TMTC2: variants seen among roughly 807,000 people sequenced by gnomAD.
TMTC2 encodes protein O-mannosyl-transferase TMTC2.
A neutral mutation model predicts 82.4 loss-of-function variants in TMTC2; 43 were observed. That is an observed-to-expected ratio of 0.52 (90% CI 0.41 to 0.67). The LOEUF (loss-of-function observed/expected upper bound fraction) is 0.67, where lower values mean the gene tolerates loss of function less well. Among genes scored for constraint, TMTC2 ranks in the 30% least tolerant of loss-of-function variants. TMTC2 has a pLI of 0.00. For synonymous variants in TMTC2, 408 were observed against 381.9 expected (o/e 1.07, Z -0.80); for missense variants, 919 against 1,012.4 (o/e 0.91, Z 1.25).
chr12:82,807,739 A>T lies in TMTC2; in HGVS notation c.84-49271A>T, dbSNP rs1391579313. ...CCAGACTCATTTATTCTGGGATAGC[A>T]TAAGTAGACCAGTGATCTAATACTC... On this transcript the variant is annotated intron_variant, in intron 1 of 11. Transcript: ENST00000321196. Among the ~76,000 whole-genome samples, 3 of 152,118 alleles carry T rather than the reference A, an allele frequency of 2.0e-5. No individual in the cohort carries two copies. In the East Asian group the frequency reaches 5.8e-4, roughly 29 times the overall value.
chr12:83,053,869 T>A (rs1398873776), intron 10 of TMTC2, among the ~76,000 whole-genome samples: 2 of 152,250 alleles, frequency 1.3e-5, no homozygotes, highest in African/African-American at 4.8e-5. Flanking sequence ...TCTAAATTCC[T>A]GTCATCAAAG....
At chr12:82,874,568 C>T (rs1872382605) in intron 2 of TMTC2, among the ~76,000 whole-genome samples, 1 of 152,098 alleles carries the variant, frequency 6.6e-6, no homozygotes, top group Admixed American at 6.6e-5. Context: ...TTATTGCAAA[C>T]TGTACTGGGC....
intron 4 of TMTC2, among the ~76,000 whole-genome samples, chr12:82,958,263 G>T (rs1877718596): frequency 6.7e-6 from 1 of 149,118 alleles, no homozygotes; most frequent in South Asian, 2.1e-4. Context: ...ACTGAGGCAG[G>T]AGAATCGCTT....
intron 8 of TMTC2, among the ~76,000 whole-genome samples, chr12:83,003,104 T>C (rs1407043318): frequency 6.6e-6 from 1 of 152,192 alleles, no homozygotes; most frequent in Non-Finnish European, 1.5e-5. Flanking sequence ...TGCTCTAATA[T>C]TTGCTATGTA....
At chr12:83,087,543 A>G (rs1883704489) in intron 11 of TMTC2, among the ~76,000 whole-genome samples, 1 of 152,218 alleles carries the variant, frequency 6.6e-6, no homozygotes, top group Non-Finnish European at 1.5e-5. Context: ...TTAAGTAATA[A>G]CACTTGAAAT....
chr12:82,829,767 C>T (rs540669666), intron 1 of TMTC2, among the ~76,000 whole-genome samples: 1 of 152,260 alleles, frequency 6.6e-6, no homozygotes, highest in East Asian at 1.9e-4. Flanking sequence ...TGTCAGAGGG[C>T]TTCTGAAGTC....
intron 11 of TMTC2, among the ~76,000 whole-genome samples, chr12:83,099,132 A>G (rs1415521821): frequency 2.0e-5 from 3 of 152,196 alleles, no homozygotes; most frequent in African/African-American, 2.4e-5. Context: ...TAAAGATTCA[A>G]TATTTTTCAG....
chr12:82,990,189 A>T (rs1879341726), intron 8 of TMTC2, among the ~76,000 whole-genome samples: 1 of 152,198 alleles, frequency 6.6e-6, no homozygotes, highest in Non-Finnish European at 1.5e-5. Context: ...CTTTAATCAA[A>T]ACTGGCCGAA....
chr12:82,995,199 G>A (rs1037656078), intron 8 of TMTC2, among the ~76,000 whole-genome samples: 1 of 152,054 alleles, frequency 6.6e-6, no homozygotes, highest in East Asian at 1.9e-4. Flanking sequence ...TCTGGTCTAA[G>A]CCTATGTTGA....
chr12:82,812,580 CAT>C (rs1423750393), intron 1 of TMTC2, among the ~76,000 whole-genome samples: 1 of 151,940 alleles, frequency 6.6e-6, no homozygotes, highest in Non-Finnish European at 1.5e-5. Context: ...TTTTCTGTAT[CAT>C]GTGGAATAGC....
intron 4 of TMTC2, among the ~76,000 whole-genome samples, chr12:82,953,103 T>C (rs1877432905): frequency 6.6e-6 from 1 of 152,114 alleles, no homozygotes; most frequent in African/African-American, 2.4e-5. Context: ...GTTTGACCAC[T>C]ACCTCCCTCA....
chr12:82,916,573 A>G (rs1157834160), intron 3 of TMTC2, among the ~76,000 whole-genome samples: 1 of 152,178 alleles, frequency 6.6e-6, no homozygotes, highest in African/African-American at 2.4e-5. Context: ...AAATTCAGGA[A>G]TATGGTAGAG....
chr12:82,687,352 T>TG lies in TMTC2; in HGVS notation c.-231dup, dbSNP rs1177191721. On this transcript the variant is annotated 5_prime_UTR_variant, in exon 1 of 12. It removes the in-frame stop codon of an upstream open reading frame in the 5' UTR. Transcript: ENST00000321196. The stretch of plus-strand genomic sequence containing the variant: ...GCTCACCGCTTGCGGGCGCCGGGCA[T>TG]GGGGAGTGTGGTGTGAGCCCGCACC... The TG allele has an allele frequency of 6.4e-5, 34 of 534,264 alleles. No individual in the cohort carries two copies. In the African/African-American group the frequency reaches 6.6e-4, roughly 10 times the overall value. 33.1% of individuals were successfully genotyped at this position (534,264 alleles called of 1,614,324 possible).
At chr12:82,998,211 C>G (rs150968506) in intron 8 of TMTC2, among the ~76,000 whole-genome samples, 626 of 152,136 alleles carry the variant, frequency 4.1e-3, no homozygotes, top group Admixed American at 7.5e-3. Flanking sequence ...ATTCATTGCT[C>G]TCCTCTATGA....
intron 1 of TMTC2, among the ~76,000 whole-genome samples, chr12:82,782,471 G>A (rs1459127494): frequency 6.6e-6 from 1 of 152,052 alleles, no homozygotes; most frequent in Non-Finnish European, 1.5e-5. Flanking sequence ...CTAGTGTTTG[G>A]ATAAAGGAAG....
At chr12:83,022,578 A>G (rs1350216285) in intron 8 of TMTC2, among the ~76,000 whole-genome samples, 2 of 152,080 alleles carry the variant, frequency 1.3e-5, no homozygotes, top group South Asian at 2.1e-4. Context: ...AGAGTGAAAC[A>G]TCACATCTCT....
In TMTC2 at chr12:82,687,641, C is replaced by T; in HGVS notation, c.55C>T (p.Leu19=). Residue 19 remains leucine (L), a synonymous_variant, in exon 1 of 12, where the codon CTG becomes TTG. Coordinates refer to ENST00000321196, the MANE Select transcript of TMTC2 (RefSeq NM_152588.3). ...ALGLALYLNT[L]SADFCYDDSR... is the part of the protein sequence containing the mutation. ...GGGGCTCGCCTTGTATCTCAACACC[C>T]TGAGTGCGGATTTCTGCTATGATGA... 1.2e-6 allele frequency: 2 copies of T among 1,605,050 alleles called. No individual in the cohort carries two copies. Among genetic ancestry groups the T allele is most frequent in the South Asian group, 1.1e-5 (1 of 88,494 alleles).
At chr12:82,952,690 C>T (rs116767127) in intron 4 of TMTC2, among the ~76,000 whole-genome samples, 2,330 of 152,130 alleles carry the variant, frequency 0.015, 55 homozygotes, top group African/African-American at 0.053. Context: ...GAACTACAAG[C>T]GCATGCCACC....
At chr12:82,722,914 A>T (rs1392673657) in intron 1 of TMTC2, among the ~76,000 whole-genome samples, 1 of 152,238 alleles carries the variant, frequency 6.6e-6, no homozygotes, top group Non-Finnish European at 1.5e-5. Flanking sequence ...AGTAAAATCC[A>T]TCTTAAGAAA....
Sources: allele counts gnomAD v4.1 joint callset (sites outside exome capture counted in the v4.1 genomes callset), GRCh38; gene constraint gnomAD v4.1.1; transcripts MANE v1.5; gene names NCBI Gene and HGNC (gene_info 2026-07-23, HGNC 2026-07-21).